The following REDIC1 variants were observed in gnomAD, a reference collection of about 807,000 sequenced individuals.
REDIC1 encodes the protein regulator of DNA class I crossover intermediates 1.
chr12:39,823,939 T>A, the REDIC1 span, among the ~76,000 whole-genome samples: 1 of 152,220 alleles, frequency 6.6e-6, no homozygotes, highest in Admixed American at 6.5e-5. Context: ...CTAAGTTTCC[T>A]TTCCTGGAAA....
the REDIC1 span, among the ~76,000 whole-genome samples, chr12:39,701,739 C>A: frequency 1.3e-5 from 2 of 152,188 alleles, no homozygotes; most frequent in Admixed American, 1.3e-4. Flanking sequence ...AACAAATGGT[C>A]TCTCAGACCA....
chr12:39,630,176 A>G, the REDIC1 span, among the ~76,000 whole-genome samples: 1 of 152,174 alleles, frequency 6.6e-6, no homozygotes, highest in Non-Finnish European at 1.5e-5. Flanking sequence ...TTTATTAATG[A>G]CTAGTTTCAC....
chr12:39,825,266 A>G, the REDIC1 span, among the ~76,000 whole-genome samples: 1 of 152,186 alleles, frequency 6.6e-6, no homozygotes, highest in South Asian at 2.1e-4. Flanking sequence ...TTTTGTATAT[A>G]TGGAGAGTCA....
chr12:39,749,858 A>T, the REDIC1 span, among the ~76,000 whole-genome samples: 1 of 152,228 alleles, frequency 6.6e-6, no homozygotes, highest in Non-Finnish European at 1.5e-5. Flanking sequence ...CCTTTGAGAA[A>T]ATTCAACAAT....
At chr12:39,734,157 G>A in the REDIC1 span, among the ~76,000 whole-genome samples, 1 of 152,178 alleles carries the variant, frequency 6.6e-6, no homozygotes, top group Non-Finnish European at 1.5e-5. Flanking sequence ...CTTGACTAGG[G>A]GAGGGAGTTC....
At chr12:39,816,859 T>C in the REDIC1 span, among the ~76,000 whole-genome samples, 1 of 152,284 alleles carries the variant, frequency 6.6e-6, no homozygotes, top group East Asian at 1.9e-4. Context: ...ATTTGAAAGA[T>C]TTTAAGAATT....
At chr12:39,712,207 TA>T in the REDIC1 span, among the ~76,000 whole-genome samples, 1 of 12,530 alleles carries the variant, frequency 8.0e-5, no homozygotes, top group Non-Finnish European at 3.1e-4. Context: ...CATATATACA[TA>T]TGTATATATA....
the REDIC1 span, among the ~76,000 whole-genome samples, chr12:39,730,359 C>A: frequency 2.0e-5 from 3 of 152,100 alleles, no homozygotes; most frequent in Non-Finnish European, 4.4e-5. Context: ...CTGGTGGTGA[C>A]AAAAATTTTT....
At chr12:39,864,896 A>C in the REDIC1 span, 1 of 1,601,394 alleles carries the variant, frequency 6.2e-7, no homozygotes, top group Non-Finnish European at 8.5e-7. Flanking sequence ...AAAAAAAAAA[A>C]GTTTTATATT....
At chr12:39,896,249 CATGTATGTAT>C in the REDIC1 span, among the ~76,000 whole-genome samples, 1 of 92,518 alleles carries the variant, frequency 1.1e-5, no homozygotes, top group African/African-American at 4.0e-5. Flanking sequence ...TATATGTATA[CATGTATGTAT>C]ATGTGTGTAT....
At chr12:39,895,357 G>A in the REDIC1 span, among the ~76,000 whole-genome samples, 1 of 151,076 alleles carries the variant, frequency 6.6e-6, no homozygotes, top group East Asian at 1.9e-4. Context: ...GGGCTTGGTG[G>A]CAGGCACCTG....
chr12:39,711,863 A>G, the REDIC1 span, among the ~76,000 whole-genome samples: 703 of 56,948 alleles, frequency 0.012, 78 homozygotes, highest in African/African-American at 0.05. Context: ...GTGTATGTGT[A>G]TACACGTATA....
the REDIC1 span, among the ~76,000 whole-genome samples, chr12:39,763,449 A>G: frequency 6.6e-6 from 1 of 152,078 alleles, no homozygotes; most frequent in Non-Finnish European, 1.5e-5. Flanking sequence ...TTTGACAAAC[A>G]CTTTTTGGTG....
At chr12:39,710,645 C>T in the REDIC1 span, among the ~76,000 whole-genome samples, 1 of 151,700 alleles carries the variant, frequency 6.6e-6, no homozygotes, top group Non-Finnish European at 1.5e-5. Flanking sequence ...TCAAAACGTA[C>T]TCTCTATACT....
the REDIC1 span, among the ~76,000 whole-genome samples, chr12:39,712,964 CGTGTATATGTATATATACATGTGTAT>C: frequency 5.8e-5 from 1 of 17,162 alleles, no homozygotes; most frequent in Admixed American, 6.3e-4. Flanking sequence ...TATGCATATA[CGTGTATATGTATATATACATGTGTAT>C]ATACGTGTAT....
chr12:39,737,044 C>T, the REDIC1 span: 1 of 152,204 alleles, frequency 6.6e-6, no homozygotes, highest in African/African-American at 2.4e-5. Flanking sequence ...CTGTCTTATT[C>T]TCCTTACTGC....
chr12:39,819,376 G>A, the REDIC1 span, among the ~76,000 whole-genome samples: 1 of 151,996 alleles, frequency 6.6e-6, no homozygotes, highest in African/African-American at 2.4e-5. Flanking sequence ...ATATTAAGGT[G>A]GCAATACATA....
At chr12:39,901,596 C>A in the REDIC1 span, among the ~76,000 whole-genome samples, 1 of 124,400 alleles carries the variant, frequency 8.0e-6, no homozygotes, top group South Asian at 3.2e-4. Context: ...AAAAAATGCT[C>A]ATCATCACTG....
the REDIC1 span, among the ~76,000 whole-genome samples, chr12:39,907,454 T>C: frequency 6.6e-6 from 1 of 152,148 alleles, no homozygotes; most frequent in South Asian, 2.1e-4. Context: ...AAGAGTTTTC[T>C]ACAGAAAAAT....
Sources: allele counts gnomAD v4.1 joint callset (sites outside exome capture counted in the v4.1 genomes callset), GRCh38; gene constraint gnomAD v4.1.1; transcripts MANE v1.5; gene names NCBI Gene and HGNC (gene_info 2026-07-23, HGNC 2026-07-21).